The following DIXDC1 variants were observed in gnomAD, a reference collection of about 807,000 sequenced individuals.
DIXDC1 encodes the protein DIX domain containing 1, also known as dixin.
DIXDC1 carries 64 observed loss-of-function variants against 103.1 expected under a neutral mutation model. The observed-to-expected ratio is 0.62, with a 90% confidence interval of 0.51 to 0.76. The LOEUF (loss-of-function observed/expected upper bound fraction) is 0.76, where lower values mean the gene tolerates loss of function less well. Among genes scored for constraint, DIXDC1 ranks in the 30% least tolerant of loss-of-function variants. The pLI is 0.00. For synonymous variants in DIXDC1, 266 were observed against 298.5 expected (o/e 0.89, Z 1.12); for missense variants, 759 against 834.2 (o/e 0.91, Z 1.11).
intron 17 of DIXDC1, among the ~76,000 whole-genome samples, chr11:111,999,881 A>G (rs1311457805): frequency 1.3e-5 from 2 of 152,064 alleles, no homozygotes; most frequent in African/African-American, 4.8e-5. Flanking sequence ...CACGCCTGTA[A>G]TCCCAGCACT....
At chr11:111,935,107 A>G (rs1345617644), upstream of DIXDC1, among the ~76,000 whole-genome samples, 5 of 149,808 alleles carry the variant, frequency 3.3e-5, no homozygotes, top group African/African-American at 1.3e-4. Context: ...ATTGGACCAT[A>G]TGCCTTATAA....
intron 1 of DIXDC1, among the ~76,000 whole-genome samples, chr11:111,939,499 A>C (rs1966345920): frequency 1.3e-5 from 2 of 152,098 alleles, no homozygotes; most frequent in South Asian, 4.2e-4. Context: ...TTTTCTACCC[A>C]TTCTGTAAAC....
At chr11:112,016,011 A>G (rs587622181) in intron 17 of DIXDC1, 1 of 151,056 alleles carries the variant, frequency 6.6e-6, no homozygotes, top group East Asian at 2.0e-4. Flanking sequence ...GGGTTTCACC[A>G]TGTTGGCCAG....
At chr11:111,962,616 A>G (rs989688656) in intron 1 of DIXDC1, among the ~76,000 whole-genome samples, 2 of 152,206 alleles carry the variant, frequency 1.3e-5, no homozygotes, top group Admixed American at 6.5e-5. Flanking sequence ...GCTGGAGAAC[A>G]GGTGAAGGCT....
intron 5 of DIXDC1, among the ~76,000 whole-genome samples, chr11:111,978,379 A>G (rs1555172917): frequency 6.6e-6 from 1 of 151,998 alleles, no homozygotes; most frequent in Non-Finnish European, 1.5e-5. Context: ...TTCTTTAGGG[A>G]GGCAGCAGGG....
chr11:111,941,337 A>G (rs587625760), intron 1 of DIXDC1, among the ~76,000 whole-genome samples: 17 of 152,274 alleles, frequency 1.1e-4, no homozygotes, highest in African/African-American at 3.8e-4. Flanking sequence ...TGTGGTGTGC[A>G]TGGCCTGGGG....
At chr11:111,966,207 GTTTT>G (rs1217671835) in intron 2 of DIXDC1, among the ~76,000 whole-genome samples, 3 of 110,256 alleles carry the variant, frequency 2.7e-5, no homozygotes, top group Non-Finnish European at 5.5e-5. Flanking sequence ...AAAACCCGGG[GTTTT>G]TTTTTTTTTT....
rs1463343027 is a variant in DIXDC1 at position 111,964,607 on chromosome 11, T to G, written c.119T>G (p.Val40Gly). Reference protein sequence around the residue: ...VNAQLKKRPAVKPVQDLRQDL... With the variant: ...VNAQLKKRPAGKPVQDLRQDL... Reference sequence around the variant, plus strand: ...GCACAGCTGAAGAAGAGGCCAGCAGTGAAGCCTGTGCAGGACCTGCGACAA... The same window carrying G: ...GCACAGCTGAAGAAGAGGCCAGCAGGGAAGCCTGTGCAGGACCTGCGACAA... The change falls in exon 2 of 20, where the codon GTG (valine) becomes GGG (glycine). Residue 40 changes from valine to glycine, a missense_variant. Around this residue, in one of 3 missense-constraint regions of DIXDC1, gnomAD observed 97 missense variants for 85.4 expected, o/e 1.14. Coordinates refer to ENST00000440460, the MANE Select transcript of DIXDC1 (RefSeq NM_001037954.4). The G allele has an allele frequency of 6.2e-7, 1 of 1,611,914 alleles. No individual in the cohort carries two copies. Among genetic ancestry groups the G allele is most frequent in the African/African-American group, 1.3e-5 (1 of 74,900 alleles).
At chr11:111,943,586 G>A (rs1159839150) in intron 1 of DIXDC1, among the ~76,000 whole-genome samples, 4 of 135,440 alleles carry the variant, frequency 3.0e-5, no homozygotes, top group African/African-American at 1.1e-4. Flanking sequence ...TGCAACCTCC[G>A]CCTCCCGGGT....
rs587639392 is a variant in DIXDC1, at chr11:111,959,508, T to C, written c.61-5041T>C. On this transcript the variant is annotated intron_variant, in intron 1 of 19. Coordinates refer to ENST00000440460, the MANE Select transcript of DIXDC1 (RefSeq NM_001037954.4). ...CTGTGCACAGTGGCTGGACCCCATG[T>C]TCACTTGATCACACACCCCTTGCCA... Among the ~76,000 whole-genome samples, 6 of 152,330 alleles carry C rather than the reference T, an allele frequency of 3.9e-5. No individual in the cohort carries two copies. In the East Asian group the frequency reaches 1.2e-3, roughly 29 times the overall value.
At chr11:111,946,057 C>T (rs1005218358) in intron 1 of DIXDC1, among the ~76,000 whole-genome samples, 1 of 151,924 alleles carries the variant, frequency 6.6e-6, no homozygotes, top group Non-Finnish European at 1.5e-5. Context: ...CTGCCTTAGC[C>T]TCCCAAGTAG....
At chr11:111,950,040 CT>C (rs1966727700) in intron 1 of DIXDC1, among the ~76,000 whole-genome samples, 2 of 152,072 alleles carry the variant, frequency 1.3e-5, no homozygotes, top group Non-Finnish European at 2.9e-5. Context: ...AATATGTTGA[CT>C]TGAATAAATG....
At chr11:111,951,759 G>C (rs1157034171) in intron 1 of DIXDC1, among the ~76,000 whole-genome samples, 2 of 152,084 alleles carry the variant, frequency 1.3e-5, no homozygotes, top group Admixed American at 1.3e-4. Context: ...CACAAACTCT[G>C]TCTCTCTTTT....
chr11:111,995,286 T>C (rs1444402070), intron 15 of DIXDC1, 117 bp from the exon 16 acceptor site: 2 of 1,425,450 alleles, frequency 1.4e-6, no homozygotes, highest in Non-Finnish European at 1.9e-6. Context: ...GGGCAAACCA[T>C]AGGCCTGCTT....
intron 17 of DIXDC1, among the ~76,000 whole-genome samples, chr11:112,014,106 G>C (rs1555177469): frequency 6.6e-6 from 1 of 152,090 alleles, no homozygotes; most frequent in Non-Finnish European, 1.5e-5. Context: ...TTCCCATTAG[G>C]CCCCACCTCC....
At chr11:111,936,413 C>G (rs1555168095), upstream of DIXDC1, among the ~76,000 whole-genome samples, 1 of 152,198 alleles carries the variant, frequency 6.6e-6, no homozygotes, top group Non-Finnish European at 1.5e-5. Context: ...CTTTTTACCT[C>G]TTTCAAATGC....
intron 1 of DIXDC1, among the ~76,000 whole-genome samples, chr11:111,956,711 A>G (rs1859383377): frequency 6.6e-6 from 1 of 152,128 alleles, no homozygotes; most frequent in Non-Finnish European, 1.5e-5. Context: ...GCTGATCTCG[A>G]ACTCCTGACC....
At chr11:111,972,111 G>A (rs782083055) in intron 3 of DIXDC1, among the ~76,000 whole-genome samples, 2 of 152,132 alleles carry the variant, frequency 1.3e-5, no homozygotes, top group Middle Eastern at 3.4e-3. Context: ...TGTACCACCT[G>A]CTTCTAAAAC....
chr11:111,987,348 T>G (rs1555173997), intron 9 of DIXDC1, among the ~76,000 whole-genome samples: 1 of 152,168 alleles, frequency 6.6e-6, no homozygotes, highest in African/African-American at 2.4e-5. Flanking sequence ...TGTCTTTACT[T>G]GAAAGAGAGA....
Sources: allele counts gnomAD v4.1 joint callset (sites outside exome capture counted in the v4.1 genomes callset), GRCh38; gene constraint gnomAD v4.1.1; regional missense constraint gnomAD v4.1.1; transcripts MANE v1.5; gene names NCBI Gene and HGNC (gene_info 2026-07-23, HGNC 2026-07-21).